Variants in FOXN3 observed in about 807,000 individuals in gnomAD.
FOXN3 encodes the protein forkhead box protein N3.
Under a neutral mutation model 38.4 loss-of-function variants are expected in FOXN3, and 7 were observed. That is an observed-to-expected ratio of 0.18 (90% CI 0.10 to 0.34). FOXN3 has a LOEUF of 0.34. FOXN3 is among the 10% of genes least tolerant of loss of function. The pLI is 1.00. For missense variants in FOXN3, 456 were observed against 613.4 expected, an observed-to-expected ratio of 0.74 and a Z score of 2.71; for synonymous variants, 230 against 242.2, an observed-to-expected ratio of 0.95 and a Z score of 0.47.
chr14:89,354,916 A>T (rs1266996993), intron 2 of FOXN3: 1 of 152,136 alleles, frequency 6.6e-6, no homozygotes, highest in Admixed American at 6.5e-5. Flanking sequence ...AGTGTCGGGG[A>T]ATTCAAAATA....
intron 4 of FOXN3, among the ~76,000 whole-genome samples, chr14:89,280,705 G>A (rs555657871): frequency 1.4e-4 from 21 of 152,026 alleles, no homozygotes; most frequent in Middle Eastern, 6.8e-3. Context: ...CAGTGACGGC[G>A]GGCCAAAGAA....
At chr14:89,316,744 C>G (rs1887730834) in intron 3 of FOXN3, among the ~76,000 whole-genome samples, 1 of 151,542 alleles carries the variant, frequency 6.6e-6, no homozygotes, top group Admixed American at 6.6e-5. Flanking sequence ...TGGCTCACTG[C>G]AACCTCCACC....
intron 1 of FOXN3, among the ~76,000 whole-genome samples, chr14:89,510,892 G>C (rs1419280092): frequency 3.3e-5 from 5 of 152,124 alleles, no homozygotes; most frequent in Non-Finnish European, 5.9e-5. Context: ...GCAGTGAGCT[G>C]AGATCACACC....
chr14:89,479,512 G>A (rs1452186537), intron 1 of FOXN3, among the ~76,000 whole-genome samples: 1 of 152,070 alleles, frequency 6.6e-6, no homozygotes, highest in Non-Finnish European at 1.5e-5. Flanking sequence ...TGTAGTCGGT[G>A]GTGGCGGTGT....
intron 4 of FOXN3, among the ~76,000 whole-genome samples, 160 bp from the exon 5 acceptor site, chr14:89,180,966 ACACAGT>A (rs1887656303): frequency 2.0e-5 from 3 of 150,532 alleles, no homozygotes; most frequent in Admixed American, 2.0e-4. Flanking sequence ...ACACACACAC[ACACAGT>A]CACACAGACA....
chr14:89,557,315 G>A (rs923754749), intron 1 of FOXN3, among the ~76,000 whole-genome samples: 1 of 152,116 alleles, frequency 6.6e-6, no homozygotes, highest in Non-Finnish European at 1.5e-5. Context: ...ACTCTTATTG[G>A]GGGGTTAGTA....
intron 1 of FOXN3, among the ~76,000 whole-genome samples, chr14:89,596,468 G>A (rs1374461633): frequency 1.3e-5 from 2 of 152,164 alleles, no homozygotes; most frequent in Non-Finnish European, 2.9e-5. Flanking sequence ...ATATTCATGA[G>A]TGAAACTGGC....
intron 2 of FOXN3, among the ~76,000 whole-genome samples, chr14:89,397,082 C>T (rs1891118615): frequency 6.6e-6 from 1 of 152,114 alleles, no homozygotes; most frequent in South Asian, 2.1e-4. Context: ...GGGACATATA[C>T]ACCATGGAAT....
rs527856279 is a variant in FOXN3, at chr14:89,156,601, T to C, written c.*5813A>G. 63 of 152,110 alleles carry C rather than the reference T, an allele frequency of 4.1e-4. No individual in the cohort carries two copies. The highest frequency in any genetic ancestry group is 1.4e-3 in the African/African-American group (60 of 41,480). The allele number at this position is 152,110 out of a possible 1,614,324, so 9.4% of individuals were successfully genotyped here. On this transcript the variant is annotated 3_prime_UTR_variant, in exon 6 of 6. Transcript: ENST00000557258. ...AAGGTCAGACGACCCTAAGCATCAA[T>C]AGTAAACCTCTTGGTCTTCTGATTG...
chr14:89,390,376 T>C (rs1890910399), intron 2 of FOXN3, among the ~76,000 whole-genome samples: 1 of 147,606 alleles, frequency 6.8e-6, no homozygotes, highest in African/African-American at 2.5e-5. Flanking sequence ...TTAATACATA[T>C]AATTTTTTAA....
intron 1 of FOXN3, among the ~76,000 whole-genome samples, chr14:89,445,328 T>C (rs1730147935): frequency 1.3e-5 from 2 of 152,154 alleles, no homozygotes; most frequent in Admixed American, 1.3e-4. Flanking sequence ...AAGTACAGTG[T>C]TGGGCACTTG....
At chr14:89,316,148 G>A (rs1402332674) in intron 3 of FOXN3, among the ~76,000 whole-genome samples, 15 of 152,178 alleles carry the variant, frequency 9.9e-5, no homozygotes, top group Non-Finnish European at 2.1e-4. Context: ...TGCGTATTGT[G>A]TATTGGGGCT....
Position 89,279,480 on chromosome 14 carries a change from A to G in FOXN3, c.745+1470T>C, listed in dbSNP as rs78185832. Among the ~76,000 whole-genome samples the G allele has an allele frequency of 2.9e-4, 44 of 152,350 alleles. 1 individual carries two copies. In the East Asian group the frequency reaches 8.1e-3, roughly 28 times the overall value. On this transcript the variant is annotated intron_variant, in intron 4 of 5. Coordinates refer to ENST00000557258, the MANE Select transcript of FOXN3 (RefSeq NM_005197.4). The stretch of plus-strand genomic sequence containing the variant: ...AGAAAACAAAATCTCTTTTCTCAAA[A>G]TAATCCAAACCTGAATGATATTCAT...
At chr14:89,253,168 G>T (rs879571718) in intron 4 of FOXN3, among the ~76,000 whole-genome samples, 1 of 152,202 alleles carries the variant, frequency 6.6e-6, no homozygotes, top group Admixed American at 6.5e-5. Context: ...AAGGCCTGAT[G>T]CGAAACAGCC....
intron 2 of FOXN3, among the ~76,000 whole-genome samples, chr14:89,360,346 GAGAA>G (rs1171347775): frequency 1.2e-5 from 1 of 86,288 alleles, no homozygotes; most frequent in East Asian, 4.5e-4. Context: ...GAGGGAGAAA[GAGAA>G]AGGGAGGGAG....
chr14:89,283,086 G>A (rs759793093), intron 3 of FOXN3, among the ~76,000 whole-genome samples: 1 of 152,098 alleles, frequency 6.6e-6, no homozygotes, highest in Non-Finnish European at 1.5e-5. Context: ...TCTCTTTCCA[G>A]CTCAGGGTAA....
At chr14:89,400,496 G>A (rs1187982278) in intron 2 of FOXN3, among the ~76,000 whole-genome samples, 1 of 152,030 alleles carries the variant, frequency 6.6e-6, no homozygotes, top group East Asian at 1.9e-4. Context: ...TGGCACTAAC[G>A]CCCATCCAAT....
At chr14:89,331,687 G>C (rs1454576658) in intron 3 of FOXN3, among the ~76,000 whole-genome samples, 2 of 152,182 alleles carry the variant, frequency 1.3e-5, no homozygotes, top group African/African-American at 2.4e-5. Context: ...ACCATTTATA[G>C]TAACAAATAG....
chr14:89,414,578 G>C (rs1234446172), intron 1 of FOXN3, among the ~76,000 whole-genome samples: 2 of 134,652 alleles, frequency 1.5e-5, no homozygotes, highest in Non-Finnish European at 3.1e-5. Flanking sequence ...TTTTGAGACA[G>C]AGTCTCACTC....
Sources: gnomAD v4.1 joint callset for allele counts (sites outside exome capture counted in the v4.1 genomes callset) on GRCh38, gnomAD v4.1.1 for gene constraint, MANE v1.5 for transcripts, NCBI Gene and HGNC (gene_info 2026-07-23, HGNC 2026-07-21) for gene names.